The following GRIK2 variants were observed in gnomAD, a reference collection of about 807,000 sequenced individuals.
GRIK2 encodes the protein glutamate receptor ionotropic, kainate 2.
In GRIK2, 32 loss-of-function variants were observed where a neutral mutation model predicts 100.3. The observed-to-expected ratio is 0.32, with a 90% confidence interval of 0.24 to 0.43. GRIK2 has a LOEUF of 0.43. Among genes scored for constraint, GRIK2 ranks in the 20% least tolerant of loss-of-function variants. The probability of loss-of-function intolerance (pLI) is 1.00; values close to 1 mark genes in which losing one functional copy is unlikely to be tolerated. For synonymous variants in GRIK2, 417 were observed against 389.4 expected (o/e 1.07, Z -0.83); for missense variants, 843 against 1,114.9 (o/e 0.76, Z 3.47).
At chr6:101,815,843 C>T (rs1054093924) in intron 9 of GRIK2, among the ~76,000 whole-genome samples, 14 of 152,078 alleles carry the variant, frequency 9.2e-5, no homozygotes, top group Non-Finnish European at 1.5e-4. Context: ...ATTAAAGCCA[C>T]TGATATTTCT....
At chr6:101,729,201 A>C (rs1362637190) in intron 7 of GRIK2, among the ~76,000 whole-genome samples, 1 of 152,062 alleles carries the variant, frequency 6.6e-6, no homozygotes, top group East Asian at 1.9e-4. Context: ...AAAATGGCTC[A>C]TTAAAGTAAA....
chr6:101,597,373 A>G (rs187813464), intron 2 of GRIK2, among the ~76,000 whole-genome samples: 163 of 151,880 alleles, frequency 1.1e-3, no homozygotes, highest in African/African-American at 3.8e-3. Flanking sequence ...CTGAATCTCA[A>G]TAAAAGTTGA....
chr6:101,757,350 C>T (rs1302315009), intron 7 of GRIK2, among the ~76,000 whole-genome samples: 1 of 151,630 alleles, frequency 6.6e-6, no homozygotes, highest in African/African-American at 2.4e-5. Flanking sequence ...TCATGGAAAA[C>T]AATATAGTAA....
intron 2 of GRIK2, among the ~76,000 whole-genome samples, chr6:101,403,672 G>T (rs1582371795): frequency 6.6e-6 from 1 of 152,166 alleles, no homozygotes; most frequent in Admixed American, 6.5e-5. Flanking sequence ...CTTACAAGCC[G>T]CCACTCTACA....
At chr6:101,496,174 C>T (rs544354115) in intron 2 of GRIK2, among the ~76,000 whole-genome samples, 9 of 152,046 alleles carry the variant, frequency 5.9e-5, no homozygotes, top group East Asian at 1.9e-4. Flanking sequence ...CTCGAACTCC[C>T]GACCTCAGGT....
chr6:101,813,514 C>T (rs2128419751), intron 9 of GRIK2, among the ~76,000 whole-genome samples: 1 of 152,178 alleles, frequency 6.6e-6, no homozygotes, highest in East Asian at 1.9e-4. Context: ...GCTAGATATC[C>T]TAGTAAACAT....
intron 7 of GRIK2, among the ~76,000 whole-genome samples, chr6:101,715,020 G>T (rs1004047744): frequency 6.6e-6 from 1 of 151,034 alleles, no homozygotes; most frequent in African/African-American, 2.4e-5. Flanking sequence ...ATATACAAAC[G>T]TTTTACAATT....
rs745990822 is a variant in GRIK2, at chr6:101,676,743, G to A, written c.662G>A (p.Gly221Asp). The part of the protein sequence containing the change: ...AKPLLKEMKR[G>D]KEFHVIFDCS... Reference sequence around the variant, plus strand: ...CCCTTACTAAAAGAAATGAAAAGAGGCAAGGAGTTTCATGTAATCTTTGAT... The same window carrying A: ...CCCTTACTAAAAGAAATGAAAAGAGACAAGGAGTTTCATGTAATCTTTGAT... The change falls in exon 5 of 17, where the codon GGC becomes GAC. Residue 221 changes from glycine (G) to aspartate (D), a missense_variant. Coordinates refer to ENST00000369134, the MANE Select transcript of GRIK2 (RefSeq NM_021956.5). 2.7e-5 allele frequency: 43 copies of A among 1,608,672 alleles called. No individual in the cohort carries two copies. Among genetic ancestry groups the A allele is most frequent in the Admixed American group, 1.5e-4 (9 of 59,454 alleles).
rs1364659604 is a variant in GRIK2 at position 102,035,406 on chromosome 6, G to A, written c.2151G>A (p.Leu717=). ...AFMSSRRQSV[L]VKSNEEGIQR... Reference sequence around the variant, plus strand: ...TGAGTAGCAGAAGGCAGTCAGTGCTGGTCAAAAGTAATGAAGAAGGAATCC... The same window carrying A: ...TGAGTAGCAGAAGGCAGTCAGTGCTAGTCAAAAGTAATGAAGAAGGAATCC... The change falls in exon 15 of 17, where the codon CTG becomes CTA. Residue 717 remains leucine, a synonymous_variant. Coordinates refer to ENST00000369134, the MANE Select transcript of GRIK2 (RefSeq NM_021956.5). 4 of 1,609,164 alleles carry A rather than the reference G, an allele frequency of 2.5e-6. No individual in the cohort carries two copies. The highest frequency in any genetic ancestry group is 3.4e-6 in the Non-Finnish European group (4 of 1,176,572).
intron 14 of GRIK2, among the ~76,000 whole-genome samples, chr6:101,979,120 A>C (rs1001557103): frequency 2.6e-5 from 4 of 152,022 alleles, no homozygotes; most frequent in African/African-American, 9.7e-5. Flanking sequence ...AATTCAGTTA[A>C]TATGATAGCA....
intron 7 of GRIK2, among the ~76,000 whole-genome samples, chr6:101,794,616 T>C (rs1780160911): frequency 6.6e-6 from 1 of 151,276 alleles, no homozygotes; most frequent in Non-Finnish European, 1.5e-5. Flanking sequence ...ATGGAACTTT[T>C]CATTAATATC....
chr6:101,881,767 C>A (rs1786262561), intron 11 of GRIK2, among the ~76,000 whole-genome samples: 1 of 151,740 alleles, frequency 6.6e-6, no homozygotes, highest in Non-Finnish European at 1.5e-5. Context: ...GTGGGAGGAT[C>A]CCTTGAGCCC....
At chr6:101,831,732 G>A (rs945855200) in intron 10 of GRIK2, among the ~76,000 whole-genome samples, 3 of 152,022 alleles carry the variant, frequency 2.0e-5, no homozygotes, top group African/African-American at 4.8e-5. Flanking sequence ...TTCAATTTCT[G>A]TGTATTTTTT....
At chr6:101,530,884 G>A (rs1775408338) in intron 2 of GRIK2, among the ~76,000 whole-genome samples, 2 of 151,946 alleles carry the variant, frequency 1.3e-5, no homozygotes, top group African/African-American at 2.4e-5. Context: ...GACTGAAAGG[G>A]TAAGGAAGGC....
chr6:101,868,405 A>G (rs1285139013), intron 11 of GRIK2, among the ~76,000 whole-genome samples: 1 of 151,818 alleles, frequency 6.6e-6, no homozygotes, highest in Non-Finnish European at 1.5e-5. Context: ...AAAATTTTGT[A>G]TGTAATTTAA....
intron 14 of GRIK2, among the ~76,000 whole-genome samples, chr6:102,025,357 A>G (rs1049048799): frequency 6.6e-6 from 1 of 151,330 alleles, no homozygotes; most frequent in Non-Finnish European, 1.5e-5. Context: ...AAATAAGTAT[A>G]AAGAGGAAAT....
intron 7 of GRIK2, among the ~76,000 whole-genome samples, chr6:101,714,483 T>A (rs554342332): frequency 6.6e-6 from 1 of 151,842 alleles, no homozygotes; most frequent in East Asian, 2.0e-4. Context: ...TAGACTTTAA[T>A]GTTGTATTCC....
intron 2 of GRIK2, among the ~76,000 whole-genome samples, chr6:101,564,128 C>G (rs1777146555): frequency 6.6e-6 from 1 of 152,158 alleles, no homozygotes; most frequent in African/African-American, 2.4e-5. Context: ...GTCATGTCTC[C>G]TCAAGTCACG....
At chr6:101,707,786 A>G (rs1430621166) in intron 7 of GRIK2, among the ~76,000 whole-genome samples, 1 of 151,280 alleles carries the variant, frequency 6.6e-6, no homozygotes, top group Non-Finnish European at 1.5e-5. Flanking sequence ...GATTCTCACC[A>G]AAAAAATCAG....
Sources: gnomAD v4.1 joint callset for allele counts (sites outside exome capture counted in the v4.1 genomes callset) on GRCh38, gnomAD v4.1.1 for gene constraint, MANE v1.5 for transcripts, NCBI Gene and HGNC (gene_info 2026-07-23, HGNC 2026-07-21) for gene names.